The following ZNF232 variants were observed in gnomAD, a reference collection of about 807,000 sequenced individuals.
ZNF232 encodes the protein zinc finger protein 232.
A neutral mutation model predicts 25.2 loss-of-function variants in ZNF232; 25 were observed. The ratio of observed to expected loss-of-function variants is 0.99; its 90% confidence interval spans 0.72 to 1.39. The LOEUF (loss-of-function observed/expected upper bound fraction) is 1.39, where lower values mean the gene tolerates loss of function less well. Ranked by LOEUF, ZNF232 falls within the 40% of genes most tolerant of loss-of-function variation. ZNF232 has a pLI of 0.00. For missense variants in ZNF232, 519 were observed against 520.9 expected (o/e 1.00, Z 0.04); for synonymous variants, 193 against 182.9 (o/e 1.06, Z -0.45).
intron 1 of ZNF232, chr17:5,118,322 A>G (rs2072578759): frequency 6.6e-6 from 1 of 152,480 alleles, no homozygotes; most frequent in Admixed American, 6.5e-5. Context: ...CTGGCTGGCC[A>G]CTACAGGCAC....
At chr17:5,115,953 G>T (rs1422197415), upstream of ZNF232, among the ~76,000 whole-genome samples, 1 of 152,204 alleles carries the variant, frequency 6.6e-6, no homozygotes, top group East Asian at 1.9e-4. Flanking sequence ...ATCGGGGCGG[G>T]GTGCGTGCGC....
exon 4 of ZNF232, chr17:5,106,250 A>G: frequency 1.9e-6 from 3 of 1,614,240 alleles, no homozygotes; most frequent in Non-Finnish European, 2.5e-6. Context: ...CACTACATTC[A>G]TGGTCTTTCT....
chr17:5,108,851 T>G, intron 3 of ZNF232, 75 bp downstream of exon 3: 1 of 1,604,354 alleles, frequency 6.2e-7, no homozygotes, highest in Non-Finnish European at 8.5e-7. Context: ...CTATTTACCC[T>G]TTACAGGTAC....
chr17:5,115,555 A>ACACACACACACACACACAC (rs2072512102), upstream of ZNF232, among the ~76,000 whole-genome samples: 22 of 148,778 alleles, frequency 1.5e-4, no homozygotes, highest in African/African-American at 4.8e-4. Flanking sequence ...CGTCTCCAAA[A>ACACACACACACACACACAC]ACACACACAC....
At chr17:5,115,716 G>A (rs1382320459), upstream of ZNF232, among the ~76,000 whole-genome samples, 8 of 152,200 alleles carry the variant, frequency 5.3e-5, no homozygotes, top group Non-Finnish European at 1.0e-4. Context: ...AAGGCCCCAT[G>A]AATAACCTTC....
intron 3 of ZNF232, among the ~76,000 whole-genome samples, chr17:5,108,395 A>G (rs937293476): frequency 2.0e-5 from 3 of 151,486 alleles, no homozygotes; most frequent in African/African-American, 7.4e-5. Flanking sequence ...AGGTGAGGGC[A>G]CACATAAGAG....
intron 1 of ZNF232, chr17:5,122,860 G>T (rs1361598787): frequency 1.3e-5 from 2 of 152,296 alleles, no homozygotes; most frequent in Non-Finnish European, 2.9e-5. Flanking sequence ...CGCGGCGGGG[G>T]GTTATGCCAA....
chr17:5,106,185 T>G, exon 4 of ZNF232: 1 of 1,614,252 alleles, frequency 6.2e-7, no homozygotes, highest in Non-Finnish European at 8.5e-7. Flanking sequence ...CTCTCCAGAA[T>G]GAACTCTCTG....
chr17:5,120,825 G>C, intron 1 of ZNF232: 1 of 453,498 alleles, frequency 2.2e-6, no homozygotes, highest in Non-Finnish European at 4.4e-6. Context: ...GCACACATGT[G>C]GGCACATGTG....
At chr17:5,118,530 A>C (rs1217971432) in intron 1 of ZNF232, among the ~76,000 whole-genome samples, 1 of 152,178 alleles carries the variant, frequency 6.6e-6, no homozygotes, top group Non-Finnish European at 1.5e-5. Flanking sequence ...CTGTTTGAGG[A>C]TGGGTATGTG....
intron 1 of ZNF232, chr17:5,121,540 C>T (rs931383018): frequency 2.2e-5 from 4 of 181,852 alleles, no homozygotes; most frequent in Non-Finnish European, 4.6e-5. Flanking sequence ...CAGGGTGAGC[C>T]CAGCCTTATA....
upstream of ZNF232, chr17:5,114,182 T>C (rs887243606): frequency 2.6e-5 from 4 of 152,246 alleles, no homozygotes; most frequent in African/African-American, 4.8e-5. Flanking sequence ...ATGGTTTCTT[T>C]GGTGCTGCAT....
At chr17:5,115,318 G>A (rs148595807), upstream of ZNF232, among the ~76,000 whole-genome samples, 2 of 152,172 alleles carry the variant, frequency 1.3e-5, no homozygotes, top group Admixed American at 1.3e-4. Flanking sequence ...TTGCGAGGCC[G>A]AGGCCAGTGG....
chr17:5,111,953 G>A (rs1181547464), upstream of ZNF232: 1 of 1,371,450 alleles, frequency 7.3e-7, no homozygotes, highest in African/African-American at 1.5e-5. Context: ...GCGGACTTTG[G>A]CCCAGGCGCG....
At chr17:5,123,082 T>C (rs2072749342) in exon 1 of ZNF232, 1 of 153,174 alleles carries the variant, frequency 6.5e-6, no homozygotes, top group Admixed American at 6.5e-5. Context: ...TCCGAAGAGA[T>C]GGGCCCCATC....
At chr17:5,112,596 C>T (rs1385637608), upstream of ZNF232, among the ~76,000 whole-genome samples, 1 of 150,200 alleles carries the variant, frequency 6.7e-6, no homozygotes, top group Non-Finnish European at 1.5e-5. Flanking sequence ...GGACTAGAGG[C>T]GCCCGCCACC....
upstream of ZNF232, chr17:5,116,306 C>G (rs2072536762): frequency 6.5e-6 from 1 of 154,476 alleles, no homozygotes; most frequent in African/African-American, 2.4e-5. Flanking sequence ...ACTCCCGGCC[C>G]CGCTCCCGGC....
rs749960427 is a variant in ZNF232 at position 5,106,251 on chromosome 17, T to C, written c.881A>G (p.His294Arg). 8.7e-6 allele frequency: 14 copies of C among 1,614,148 alleles called. No individual in the cohort carries two copies. In the African/African-American group the frequency reaches 1.2e-4, roughly 14 times the overall value. ...GGTTTTACCACATTCACTACATTCA[T>C]GGTCTTTCTTCCCTGTGGGAATTTC... The change falls in exon 4 of 4, where the codon CAT (histidine) becomes CGT (arginine). Residue 294 changes from histidine (H) to arginine (R), a missense_variant. Physicochemically the swap from His to Arg is conservative, Grantham distance 29 (BLOSUM62 0). Coordinates refer to ENST00000575898, the Ensembl canonical transcript of ZNF232.
exon 4 of ZNF232, chr17:5,105,918 G>C (rs1351276903): frequency 1.9e-6 from 3 of 1,614,022 alleles, no homozygotes; most frequent in Non-Finnish European, 2.5e-6. Flanking sequence ...ACATATAAAA[G>C]GTTTCTCTCC....
Sources: gnomAD v4.1 joint callset for allele counts (sites outside exome capture counted in the v4.1 genomes callset) on GRCh38, gnomAD v4.1.1 for gene constraint, MANE v1.5 for transcripts, NCBI Gene and HGNC (gene_info 2026-07-23, HGNC 2026-07-21) for gene names.